DIAPH3: variants seen among roughly 807,000 people sequenced by gnomAD.
The protein encoded by DIAPH3 is protein diaphanous homolog 3.
DIAPH3 carries 117 observed loss-of-function variants against 144.3 expected under a neutral mutation model. The ratio of observed to expected loss-of-function variants is 0.81; its 90% CI spans 0.70 to 0.95. DIAPH3 has a LOEUF of 0.95. Ranked by LOEUF, DIAPH3 falls within the 40% of genes least tolerant of loss-of-function variation. DIAPH3 has a pLI of 0.00. For missense variants in DIAPH3, 1,421 were observed against 1,412.7 expected (o/e 1.01, Z -0.09); for synonymous variants, 519 against 488.9 (o/e 1.06, Z -0.81).
intron 1 of DIAPH3, among the ~76,000 whole-genome samples, chr13:60,152,013 A>G (rs1951811179): frequency 1.3e-5 from 2 of 152,206 alleles, no homozygotes; most frequent in Admixed American, 6.5e-5. Context: ...TAATGTCACC[A>G]ATTTGCAAAT....
chr13:59,947,271 TAA>T (rs902760814), intron 17 of DIAPH3, among the ~76,000 whole-genome samples: 8 of 152,064 alleles, frequency 5.3e-5, no homozygotes, highest in Admixed American at 5.2e-4. Context: ...TTACAATTAG[TAA>T]AAGAGTCACA....
intron 17 of DIAPH3, among the ~76,000 whole-genome samples, chr13:59,931,588 G>T (rs955486936): frequency 3.3e-5 from 5 of 152,052 alleles, no homozygotes; most frequent in African/African-American, 1.2e-4. Flanking sequence ...TATATTCTTA[G>T]CACCAGGATT....
chr13:59,889,648 C>T (rs1566472988), intron 20 of DIAPH3, among the ~76,000 whole-genome samples: 1 of 152,004 alleles, frequency 6.6e-6, no homozygotes, highest in East Asian at 1.9e-4. Context: ...TTTTATTATT[C>T]TTTAATTTTT....
chr13:60,026,837 T>C (rs1231437311), intron 5 of DIAPH3, among the ~76,000 whole-genome samples: 1 of 152,212 alleles, frequency 6.6e-6, no homozygotes, highest in African/African-American at 2.4e-5. Context: ...AATGATCTTA[T>C]CTTTTTTGTA....
chr13:59,925,272 C>T lies in DIAPH3; in HGVS notation c.2075-402G>A, dbSNP rs571648670. On this transcript the variant is annotated intron_variant, in intron 17 of 27. Transcript: ENST00000400324. ...GATTATGAAGCTAGCTCTAAGAATG[C>T]TAACTAAAACAGTCATTTTATGTCT... 2.6e-5 allele frequency among the ~76,000 whole-genome samples: 4 copies of T among 152,198 alleles called. No individual in the cohort carries two copies. The South Asian group carries it at 6.2e-4, about 24-fold the overall frequency.
chr13:59,895,980 C>T lies in DIAPH3; in HGVS notation c.2367+15755G>A, dbSNP rs1234840410. 3.3e-5 allele frequency among the ~76,000 whole-genome samples: 5 copies of T among 152,324 alleles called. No individual in the cohort carries two copies. In the East Asian group the frequency reaches 9.6e-4, roughly 29 times the overall value. ...AAACTCTATTTTTAAAAACCTTTCC[C>T]TTTGCATTCATTTACCTTTTTCCCA... is the stretch of plus-strand genomic sequence containing the variant. On this transcript the variant is annotated intron_variant, in intron 20 of 27. Coordinates refer to ENST00000400324, the MANE Select transcript of DIAPH3 (RefSeq NM_001042517.2).
At chr13:59,939,836 G>A (rs983281546) in intron 17 of DIAPH3, among the ~76,000 whole-genome samples, 1 of 5,730 alleles carries the variant, frequency 1.7e-4, no homozygotes, top group African/African-American at 7.6e-4. Flanking sequence ...AGAATGAGGC[G>A]TGTGTGTGTG....
intron 27 of DIAPH3, among the ~76,000 whole-genome samples, chr13:59,678,398 C>T (rs1288508879): frequency 1.3e-5 from 2 of 152,204 alleles, no homozygotes; most frequent in Non-Finnish European, 2.9e-5. Context: ...CTGCCTCCTA[C>T]TGTCAGTTTG....
At chr13:59,719,286 G>C (rs138549456) in intron 27 of DIAPH3, among the ~76,000 whole-genome samples, 83 of 152,266 alleles carry the variant, frequency 5.5e-4, no homozygotes, top group East Asian at 4.8e-3. Context: ...ATAATGAAGA[G>C]AGCCACATTT....
intron 17 of DIAPH3, among the ~76,000 whole-genome samples, chr13:59,948,527 T>A (rs894095268): frequency 1.3e-5 from 2 of 152,188 alleles, no homozygotes; most frequent in African/African-American, 2.4e-5. Flanking sequence ...CATAGCTTAC[T>A]GCAGCTTCAA....
chr13:60,065,672 T>C (rs543619622), intron 4 of DIAPH3, among the ~76,000 whole-genome samples: 1 of 152,324 alleles, frequency 6.6e-6, no homozygotes, highest in East Asian at 1.9e-4. Flanking sequence ...AAATTTCCAT[T>C]TCTGGAGTTG....
In DIAPH3 at chr13:59,814,971, TATA is replaced by T. The variant is rs536971726; in HGVS notation, c.3028-4051_3028-4049del. The stretch of plus-strand genomic sequence containing the variant: ...TCAGTGAATGGCTTATTTCACTTAA[TATA>T]ATGTCTTCTGGTTTCATCTATGTTG... On this transcript the variant is annotated intron_variant, in intron 24 of 27. Transcript: ENST00000400324. Among the ~76,000 whole-genome samples, 10 of 152,356 alleles carry T rather than the reference TATA, an allele frequency of 6.6e-5. No homozygotes were observed. The South Asian group carries it at 2.1e-3, about 32-fold the overall frequency.
At chr13:60,091,970 G>A (rs1382847764) in intron 4 of DIAPH3, among the ~76,000 whole-genome samples, 1 of 151,854 alleles carries the variant, frequency 6.6e-6, no homozygotes, top group East Asian at 1.9e-4. Context: ...AGCCACCCAA[G>A]TAGCCAGGAC....
At chr13:60,042,953 A>C in intron 4 of DIAPH3, 133 bp from the exon 5 acceptor site, 2 of 1,012,042 alleles carry the variant, frequency 2.0e-6, no homozygotes, top group Non-Finnish European at 2.9e-6. Flanking sequence ...GTGGTAAATA[A>C]TTTCCTTACT....
At chr13:60,097,493 G>A (rs2058139706) in intron 3 of DIAPH3, among the ~76,000 whole-genome samples, 1 of 152,146 alleles carries the variant, frequency 6.6e-6, no homozygotes, top group South Asian at 2.1e-4. Flanking sequence ...GAAGCTCCCT[G>A]AGGCCCTCAC....
chr13:59,886,477 T>A (rs1459820576), intron 20 of DIAPH3, among the ~76,000 whole-genome samples: 1 of 152,112 alleles, frequency 6.6e-6, no homozygotes, highest in African/African-American at 2.4e-5. Context: ...ATTTTAGAAA[T>A]CATTTGTCAA....
chr13:60,112,127 G>C lies in DIAPH3; in HGVS notation c.273C>G (p.Pro91=), dbSNP rs769768786. The change falls in exon 3 of 28, where the codon CCC becomes CCG. Residue 91 remains proline (P), a synonymous_variant. Transcript: ENST00000400324. ...PGSKKERPPL[P]NLKTAFASSD... ...TGCTTGCAAATGCAGTCTTCAGGTT[G>C]GGAAGTGGAGGTCTCTCTTTCTTGC... 6.2e-7 allele frequency: 1 copy of C among 1,614,022 alleles called. No homozygotes were observed. The highest frequency in any genetic ancestry group is 1.3e-5 in the African/African-American group (1 of 74,932).
chr13:59,744,166 C>A (rs1006648269), intron 27 of DIAPH3, among the ~76,000 whole-genome samples: 1 of 152,094 alleles, frequency 6.6e-6, no homozygotes, highest in African/African-American at 2.4e-5. Context: ...ATAATAATAA[C>A]CACCACCAAA....
intron 22 of DIAPH3, among the ~76,000 whole-genome samples, chr13:59,859,037 A>G (rs2043418548): frequency 6.6e-6 from 1 of 152,184 alleles, no homozygotes; most frequent in South Asian, 2.1e-4. Context: ...TTAAATGATG[A>G]TATATAACAC....
Sources: allele counts gnomAD v4.1 joint callset (sites outside exome capture counted in the v4.1 genomes callset), GRCh38; gene constraint gnomAD v4.1.1; transcripts MANE v1.5; gene names NCBI Gene and HGNC (gene_info 2026-07-23, HGNC 2026-07-21).